The following PPARGC1A variants were observed in gnomAD, a reference collection of about 807,000 sequenced individuals.
The protein encoded by PPARGC1A is peroxisome proliferator-activated receptor gamma coactivator 1-alpha.
A neutral mutation model predicts 88.7 loss-of-function variants in PPARGC1A; 25 were observed. The ratio of observed to expected loss-of-function variants is 0.28; its 90% CI spans 0.21 to 0.39. PPARGC1A has a LOEUF of 0.39. PPARGC1A is among the 10% of genes least tolerant of loss of function. PPARGC1A has a pLI of 1.00. For synonymous variants in PPARGC1A, 363 were observed against 355.6 expected (o/e 1.02, Z -0.24); for missense variants, 880 against 968.7 (o/e 0.91, Z 1.22).
At chr4:24,194,635 C>CAT in the PPARGC1A span, among the ~76,000 whole-genome samples, 13 of 18,120 alleles carry the variant, frequency 7.2e-4, no homozygotes, top group South Asian at 5.1e-3. Context: ...CGCGCGCACA[C>CAT]ACACACACAC....
chr4:24,041,933 G>T, the PPARGC1A span, among the ~76,000 whole-genome samples: 3 of 151,110 alleles, frequency 2.0e-5, no homozygotes, highest in Non-Finnish European at 4.4e-5. Flanking sequence ...AGAAAGAAAA[G>T]AAAGAAATCT....
Position 23,872,957 on chromosome 4 carries a change from G to A in PPARGC1A, c.234+11795C>T, listed in dbSNP as rs544165079. On this transcript the variant is annotated intron_variant, in intron 2 of 12. Coordinates refer to ENST00000264867, the MANE Select transcript of PPARGC1A (RefSeq NM_013261.5). ...CTGTAATCCCGCACTTCGGGAGGCC[G>A]AGGTGGGCGGATCACGAGGTCAGGA... is the stretch of plus-strand genomic sequence containing the variant. Among the ~76,000 whole-genome samples, 11 of 152,142 alleles carry A rather than the reference G, an allele frequency of 7.2e-5. No individual in the cohort carries two copies. The South Asian group carries it at 1.7e-3, about 23-fold the overall frequency.
the PPARGC1A span, among the ~76,000 whole-genome samples, chr4:23,912,792 CTT>C: frequency 2.5e-4 from 35 of 138,364 alleles, no homozygotes; most frequent in Non-Finnish European, 2.9e-4. Flanking sequence ...GAACTAATTT[CTT>C]TTTTTTTTTT....
the PPARGC1A span, among the ~76,000 whole-genome samples, chr4:24,047,940 C>A: frequency 1.1e-3 from 168 of 152,266 alleles, no homozygotes; most frequent in African/African-American, 3.6e-3. Flanking sequence ...ACTTCACTTC[C>A]TGCCTTTTCT....
At chr4:24,142,760 T>TA in the PPARGC1A span, among the ~76,000 whole-genome samples, 1 of 152,058 alleles carries the variant, frequency 6.6e-6, no homozygotes, top group African/African-American at 2.4e-5. Context: ...TCAAGGAGAT[T>TA]AGGTTCATGT....
chr4:23,893,777 C>T (rs139368007), upstream of PPARGC1A, among the ~76,000 whole-genome samples: 3 of 152,054 alleles, frequency 2.0e-5, no homozygotes, highest in African/African-American at 7.2e-5. Context: ...AATACAACCT[C>T]GGGAATGTTT....
intron 1 of PPARGC1A, among the ~76,000 whole-genome samples, chr4:23,887,064 C>G (rs1717037643): frequency 6.6e-6 from 1 of 152,192 alleles, no homozygotes; most frequent in Admixed American, 6.5e-5. Context: ...ATGACTTGCT[C>G]ATAACCCTTT....
chr4:24,246,636 T>TTAAA, the PPARGC1A span, among the ~76,000 whole-genome samples: 1 of 152,156 alleles, frequency 6.6e-6, no homozygotes, highest in Non-Finnish European at 1.5e-5. Context: ...ATGAATTTAA[T>TTAAA]TAAATAAATA....
chr4:24,054,390 A>T, the PPARGC1A span, among the ~76,000 whole-genome samples: 1 of 151,516 alleles, frequency 6.6e-6, no homozygotes, highest in African/African-American at 2.4e-5. Context: ...ATAGCCCATT[A>T]TCAATGTCTT....
the PPARGC1A span, among the ~76,000 whole-genome samples, chr4:24,057,150 A>G: frequency 6.6e-6 from 1 of 152,228 alleles, no homozygotes; most frequent in Non-Finnish European, 1.5e-5. Context: ...CACGTACTAC[A>G]GCTTGGATGA....
intron 2 of PPARGC1A, among the ~76,000 whole-genome samples, chr4:23,836,393 G>A (rs1292128097): frequency 1.3e-5 from 2 of 152,154 alleles, no homozygotes; most frequent in African/African-American, 2.4e-5. Context: ...CCTAAATAAA[G>A]GTCTGTGTGA....
At chr4:24,123,011 G>A in the PPARGC1A span, among the ~76,000 whole-genome samples, 28 of 152,114 alleles carry the variant, frequency 1.8e-4, no homozygotes, top group African/African-American at 6.5e-4. Context: ...AAGTTCTGTT[G>A]AGTGTGTGTG....
chr4:24,127,329 C>T, the PPARGC1A span, among the ~76,000 whole-genome samples: 2 of 151,140 alleles, frequency 1.3e-5, no homozygotes, highest in Non-Finnish European at 2.9e-5. Context: ...ACTGGTATGG[C>T]GGGGGTGGGG....
At chr4:24,206,080 G>A in the PPARGC1A span, among the ~76,000 whole-genome samples, 734 of 152,278 alleles carry the variant, frequency 4.8e-3, 29 homozygotes, top group East Asian at 0.095. Flanking sequence ...AGAGTTGAAG[G>A]TGAATTTCAA....
intron 2 of PPARGC1A, among the ~76,000 whole-genome samples, chr4:23,834,965 A>G (rs1725742121): frequency 6.6e-6 from 1 of 152,238 alleles, no homozygotes; most frequent in Non-Finnish European, 1.5e-5. Context: ...AATACATCAA[A>G]TACACATGCA....
At chr4:24,449,189 C>G in the PPARGC1A span, among the ~76,000 whole-genome samples, 1 of 152,146 alleles carries the variant, frequency 6.6e-6, no homozygotes, top group East Asian at 1.9e-4. Context: ...AATTTTCTAG[C>G]CCCTCACTCT....
the PPARGC1A span, among the ~76,000 whole-genome samples, chr4:24,193,730 T>A: frequency 6.6e-6 from 1 of 152,306 alleles, no homozygotes; most frequent in Non-Finnish European, 1.5e-5. Flanking sequence ...CTTACTGTTT[T>A]CCCCTTCAGC....
At chr4:24,213,740 T>C in the PPARGC1A span, among the ~76,000 whole-genome samples, 1 of 152,244 alleles carries the variant, frequency 6.6e-6, no homozygotes, top group East Asian at 1.9e-4. Flanking sequence ...TGTGTGTGTG[T>C]AACACAGAAG....
chr4:24,152,350 AC>A, the PPARGC1A span, among the ~76,000 whole-genome samples: 1 of 152,220 alleles, frequency 6.6e-6, no homozygotes, highest in African/African-American at 2.4e-5. Flanking sequence ...TTTATGGAAC[AC>A]CTGATGTGTG....
Sources: gnomAD v4.1 joint callset for allele counts (sites outside exome capture counted in the v4.1 genomes callset) on GRCh38, gnomAD v4.1.1 for gene constraint, MANE v1.5 for transcripts, NCBI Gene and HGNC (gene_info 2026-07-23, HGNC 2026-07-21) for gene names.